The following DCC variants were observed in gnomAD, a reference collection of about 807,000 sequenced individuals.
DCC encodes the protein netrin receptor DCC.
In DCC, 58 loss-of-function variants were observed where a neutral mutation model predicts 172.5. The observed-to-expected ratio is 0.34, with a 90% confidence interval of 0.27 to 0.42. The LOEUF (loss-of-function observed/expected upper bound fraction) is 0.42. Ranked by LOEUF, DCC falls within the 10% of genes least tolerant of loss-of-function variation. The probability of loss-of-function intolerance (pLI) is 1.00; values close to 1 mark genes in which losing one functional copy is unlikely to be tolerated. For synonymous variants in DCC, 709 were observed against 644.5 expected, an observed-to-expected ratio of 1.10 and a Z score of -1.52; for missense variants, 1,740 against 1,791.0, an observed-to-expected ratio of 0.97 and a Z score of 0.51.
chr18:52,421,061 T>C (rs1598804981), intron 1 of DCC, among the ~76,000 whole-genome samples: 2 of 152,302 alleles, frequency 1.3e-5, no homozygotes, highest in African/African-American at 4.8e-5. Flanking sequence ...TTCTCTTCAG[T>C]GCAACAGATA....
At chr18:53,494,817 G>A (rs2046000438) in intron 26 of DCC, among the ~76,000 whole-genome samples, 25 of 152,170 alleles carry the variant, frequency 1.6e-4, no homozygotes, top group Admixed American at 1.6e-3. Flanking sequence ...GGTTAATATT[G>A]TTATGTGTGT....
chr18:53,099,239 T>A (rs1350860791), intron 7 of DCC, among the ~76,000 whole-genome samples: 3 of 152,120 alleles, frequency 2.0e-5, no homozygotes, highest in South Asian at 2.1e-4. Context: ...CTTCCCCCTA[T>A]GTATTTATTT....
intron 1 of DCC, among the ~76,000 whole-genome samples, chr18:52,431,246 A>G (rs1987612026): frequency 6.6e-6 from 1 of 152,156 alleles, no homozygotes; most frequent in Non-Finnish European, 1.5e-5. Flanking sequence ...GGCTTGCTAC[A>G]TTTGTGAATC....
chr18:52,774,263 T>G (rs2037390088), intron 2 of DCC, among the ~76,000 whole-genome samples: 1 of 152,200 alleles, frequency 6.6e-6, no homozygotes. Flanking sequence ...TTCAGGTGAT[T>G]CTGGTGCACA....
At chr18:52,834,617 A>G (rs1489379636) in intron 2 of DCC, among the ~76,000 whole-genome samples, 1 of 152,174 alleles carries the variant, frequency 6.6e-6, no homozygotes, top group Admixed American at 6.5e-5. Context: ...TGCCTTCTAC[A>G]CCAAAATATT....
chr18:53,261,779 G>A (rs571066016), intron 12 of DCC, among the ~76,000 whole-genome samples: 6 of 152,220 alleles, frequency 3.9e-5, no homozygotes, highest in South Asian at 2.1e-4. Flanking sequence ...GATTACAAGC[G>A]TGAGCCACTG....
chr18:52,582,919 T>A (rs1330277889), intron 1 of DCC, among the ~76,000 whole-genome samples: 1 of 152,210 alleles, frequency 6.6e-6, no homozygotes, highest in Non-Finnish European at 1.5e-5. Flanking sequence ...GTGGAACACA[T>A]GAGCTATCTG....
At chr18:52,947,885 G>A (rs2040573715) in intron 5 of DCC, among the ~76,000 whole-genome samples, 1 of 152,090 alleles carries the variant, frequency 6.6e-6, no homozygotes, top group Admixed American at 6.5e-5. Flanking sequence ...ACACTGTGGT[G>A]GTATCAGTAA....
chr18:53,440,221 G>C (rs567607296), intron 22 of DCC, among the ~76,000 whole-genome samples: 3 of 152,228 alleles, frequency 2.0e-5, no homozygotes, highest in African/African-American at 7.2e-5. Flanking sequence ...TTTCTGATTA[G>C]AGAAGATAAA....
chr18:53,208,709 T>G (rs976403001), intron 11 of DCC, among the ~76,000 whole-genome samples: 1 of 152,132 alleles, frequency 6.6e-6, no homozygotes, highest in Non-Finnish European at 1.5e-5. Flanking sequence ...CACCCTTTAT[T>G]CCTGGGCTCA....
chr18:53,222,383 C>CTTTTTTTTTTTTTTT (rs67373546), intron 12 of DCC, among the ~76,000 whole-genome samples: 23 of 104,182 alleles, frequency 2.2e-4, no homozygotes, highest in Non-Finnish European at 3.4e-4. Flanking sequence ...TTTCTTTTTT[C>CTTTTTTTTTTTTTTT]TTTTTTTTTT....
chr18:53,301,774 C>G (rs932991525), intron 12 of DCC, among the ~76,000 whole-genome samples: 3 of 152,092 alleles, frequency 2.0e-5, no homozygotes, highest in African/African-American at 7.2e-5. Context: ...TTTTCTTCTC[C>G]AATCTTTTCT....
chr18:52,370,974 A>G (rs1284746472), intron 1 of DCC, among the ~76,000 whole-genome samples: 1 of 152,214 alleles, frequency 6.6e-6, no homozygotes, highest in Non-Finnish European at 1.5e-5. Context: ...GTAAATACAG[A>G]GAGCATGCTA....
At chr18:53,512,877 G>A (rs1226394340) in intron 27 of DCC, among the ~76,000 whole-genome samples, 9 of 151,444 alleles carry the variant, frequency 5.9e-5, no homozygotes, top group East Asian at 1.9e-4. Context: ...ACCAAGTTGG[G>A]AAACACTCTG....
chr18:52,773,937 T>C (rs1300855341), intron 2 of DCC, among the ~76,000 whole-genome samples: 2 of 152,170 alleles, frequency 1.3e-5, no homozygotes, highest in African/African-American at 4.8e-5. Flanking sequence ...TCAAGGCTGT[T>C]GAAGCTGCAG....
chr18:53,007,379 G>A (rs1424719548), intron 5 of DCC, among the ~76,000 whole-genome samples: 1 of 152,246 alleles, frequency 6.6e-6, no homozygotes, highest in Non-Finnish European at 1.5e-5. Context: ...TGAAATGCCA[G>A]CTCCATGGAG....
In DCC at chr18:53,154,586, G is replaced by A. The variant is rs148949158; in HGVS notation, c.1262-2770G>A. Among the ~76,000 whole-genome samples, 258 of 152,328 alleles carry A rather than the reference G, an allele frequency of 1.7e-3. 1 individual carries two copies. Among genetic ancestry groups the A allele is most frequent in the African/African-American group, 5.7e-3 (237 of 41,580 alleles). On this transcript the variant is annotated intron_variant, in intron 7 of 28. Coordinates refer to ENST00000442544, the MANE Select transcript of DCC (RefSeq NM_005215.4). ...TTTAAGGAAGGCAGAGGAGCTGGGG[G>A]ACACTTGTGGTAATTCCAGTTAGAG...
At chr18:53,440,995 G>T (rs907896537) in intron 22 of DCC, among the ~76,000 whole-genome samples, 1 of 152,180 alleles carries the variant, frequency 6.6e-6, no homozygotes, top group African/African-American at 2.4e-5. Flanking sequence ...CACATGTCCT[G>T]TTCAGGATGT....
chr18:53,077,777 T>C (rs780662514), intron 7 of DCC, among the ~76,000 whole-genome samples: 2 of 152,202 alleles, frequency 1.3e-5, no homozygotes, highest in African/African-American at 4.8e-5. Flanking sequence ...TGTCCACACA[T>C]GGAGGCTTCT....
Sources: gnomAD v4.1 joint callset for allele counts (sites outside exome capture counted in the v4.1 genomes callset) on GRCh38, gnomAD v4.1.1 for gene constraint, MANE v1.5 for transcripts, NCBI Gene and HGNC (gene_info 2026-07-23, HGNC 2026-07-21) for gene names.